Variants in STRAP observed in about 807,000 individuals in gnomAD.
STRAP encodes serine/threonine kinase receptor associated protein, also known as serine-threonine kinase receptor-associated protein.
Under a neutral mutation model 47.0 loss-of-function variants are expected in STRAP, and 16 were observed. The observed-to-expected ratio is 0.34, with a 90% CI of 0.23 to 0.52. The LOEUF (loss-of-function observed/expected upper bound fraction) is 0.52, where lower values mean the gene tolerates loss of function less well. Among genes scored for constraint, STRAP ranks in the 20% least tolerant of loss-of-function variants. The pLI, the probability that STRAP is intolerant of heterozygous loss-of-function variation, is 0.96. For synonymous variants in STRAP, 130 were observed against 142.7 expected (o/e 0.91, Z 0.63); for missense variants, 293 against 420.0 (o/e 0.70, Z 2.64).
At position 15,890,551 on chromosome 12, in the gene STRAP, A is replaced by G; in HGVS notation, c.331-46A>G. ...GGTGTTGAAATTTGAAAGAGAAATA[A>G]CTATTAAAATGGTTAATCTATTCAC... On this transcript the variant is annotated intron_variant, in intron 3 of 9. Coordinates refer to ENST00000419869, the MANE Select transcript of STRAP (RefSeq NM_007178.4). This position sits in a 1 kb window ranked among gnomAD's most constrained non-coding sequence, Gnocchi z 4.5. 4 of 1,451,412 alleles carry G rather than the reference A, an allele frequency of 2.8e-6. No individual in the cohort carries two copies. The highest frequency in any genetic ancestry group is 2.4e-5 in the South Asian group (2 of 83,124). 89.9% of individuals were successfully genotyped at this position (1,451,412 alleles called of 1,614,324 possible). A position where few individuals can be genotyped will look rare whatever the true frequency, so the allele number is the denominator to read the frequency against.
At chr12:15,882,943 G>A in intron 1 of STRAP, 124 bp downstream of exon 1, 3 of 1,339,496 alleles carry the variant, frequency 2.2e-6, no homozygotes, top group Non-Finnish European at 3.1e-6. Context: ...TAACATCTGA[G>A]ATGAGAGCCA....
intron 2 of STRAP, among the ~76,000 whole-genome samples, chr12:15,885,228 C>G (rs1002129610): frequency 7.0e-6 from 1 of 143,590 alleles, no homozygotes; most frequent in Non-Finnish European, 1.5e-5. Flanking sequence ...TTGCTATGTC[C>G]CCAAGGCTGG....
intron 2 of STRAP, among the ~76,000 whole-genome samples, chr12:15,885,193 T>G (rs574093925): frequency 0.025 from 3,778 of 148,960 alleles, 71 homozygotes; most frequent in Non-Finnish European, 0.04. Context: ...TTTTTTTTTT[T>G]TTTTTTTTTT....
intron 9 of STRAP, among the ~76,000 whole-genome samples, chr12:15,902,102 G>A (rs1200989866): frequency 6.6e-6 from 1 of 151,842 alleles, no homozygotes; most frequent in Non-Finnish European, 1.5e-5. Context: ...AAGCCTCCTG[G>A]GTAGTTGGGA....
chr12:15,894,837 C>T lies in STRAP; in HGVS notation c.501-522C>T, dbSNP rs183889932. ...CAAGTATTTTCAATTAAGGGATGCT[C>T]ACCTTGTGTATACAGACAGCAAAAT... On this transcript the variant is annotated intron_variant, in intron 5 of 9. Transcript: ENST00000419869. The surrounding 1 kb of genome is among the most constrained non-coding windows in gnomAD (Gnocchi z 4.9). 1.2e-3 allele frequency among the ~76,000 whole-genome samples: 190 copies of T among 152,292 alleles called. 1 individual carries two copies. Among genetic ancestry groups the T allele is most frequent in the African/African-American group, 4.4e-3 (182 of 41,560 alleles).
chr12:15,899,383 A>G (rs574078934), intron 7 of STRAP, among the ~76,000 whole-genome samples: 1 of 152,354 alleles, frequency 6.6e-6, no homozygotes, highest in Admixed American at 6.5e-5. Context: ...TCCATGGATT[A>G]AAATATTTAT....
At position 15,890,805 on chromosome 12, in the gene STRAP, AT is replaced by A; in HGVS notation, c.403+137del. On this transcript the variant is annotated intron_variant, in intron 4 of 9. Coordinates refer to ENST00000419869, the MANE Select transcript of STRAP (RefSeq NM_007178.4). This position sits in a 1 kb window ranked among gnomAD's most constrained non-coding sequence, Gnocchi z 4.5. Reference sequence around the variant, plus strand: ...CCGGGCACGGTGGCTCATACCTGTAATCCTAGCACTTTGGGAGACTGAGGCG... The same window carrying A: ...CCGGGCACGGTGGCTCATACCTGTAACCTAGCACTTTGGGAGACTGAGGCG... The A allele has an allele frequency of 1.5e-6, 1 of 675,122 alleles. No individual in the cohort carries two copies. The highest frequency in any genetic ancestry group is 2.4e-6 in the Non-Finnish European group (1 of 410,176). The allele number at this position is 675,122 out of a possible 1,614,324, so 41.8% of individuals were successfully genotyped here. A position where few individuals can be genotyped will look rare whatever the true frequency, so the allele number is the denominator to read the frequency against.
In STRAP at chr12:15,890,321, G is replaced by A. The variant is rs1361884526; in HGVS notation, c.331-276G>A. Among the ~76,000 whole-genome samples, 1 of 152,132 alleles carries A rather than the reference G, an allele frequency of 6.6e-6. No individual in the cohort carries two copies. The highest frequency in any genetic ancestry group is 2.4e-5 in the African/African-American group (1 of 41,418). ...GATAAATTTGAGATAATCAGAAAAG[G>A]GCCTCTCACAAGGGAGAGGAGTAGG... On this transcript the variant is annotated intron_variant, in intron 3 of 9. Transcript: ENST00000419869. This position sits in a 1 kb window ranked among gnomAD's most constrained non-coding sequence, Gnocchi z 4.5.
intron 1 of STRAP, 99 bp downstream of exon 1, chr12:15,882,918 G>A: frequency 7.3e-7 from 1 of 1,378,686 alleles, no homozygotes; most frequent in South Asian, 1.2e-5. Flanking sequence ...GTGGTGAGGG[G>A]GGAGGGGGCG....
intron 4 of STRAP, among the ~76,000 whole-genome samples, chr12:15,893,613 T>G (rs981540046): frequency 6.1e-5 from 9 of 147,792 alleles, no homozygotes; most frequent in African/African-American, 2.2e-4. Context: ...ATTTGTATTA[T>G]TGTACAAATA....
At chr12:15,889,165 G>A (rs547695023) in intron 2 of STRAP, among the ~76,000 whole-genome samples, 126 of 152,098 alleles carry the variant, frequency 8.3e-4, no homozygotes, top group Non-Finnish European at 1.6e-3. Context: ...CCCTTTTAGA[G>A]TAATTTTGTA....
Position 15,900,982 on chromosome 12 carries a change from G to T in STRAP, c.961G>T (p.Gly321Cys). 1 of 1,597,948 alleles carries T rather than the reference G, an allele frequency of 6.3e-7. No homozygotes were observed. Among genetic ancestry groups the T allele is most frequent in the South Asian group, 1.1e-5 (1 of 88,008 alleles). The change falls in exon 9 of 10, where the codon GGT (glycine) becomes TGT (cysteine). Residue 321 changes from glycine to cysteine, a missense_variant. Gly to Cys is a radical substitution (Grantham distance 159, BLOSUM62 -3). Around this residue, in one of 5 missense-constraint regions of STRAP, gnomAD observed 52 missense variants for 45.0 expected, o/e 1.16. Transcript: ENST00000419869. ...DSGELAKPKI[G>C]FPETTEEELE... ...TGGTGAGCTGGCAAAGCCAAAGATT[G>T]GTTTTCCAGAGACAACAGAAGAGGA...
chr12:15,884,329 A>T (rs779750850), intron 2 of STRAP, among the ~76,000 whole-genome samples: 1 of 151,782 alleles, frequency 6.6e-6, no homozygotes, highest in Admixed American at 6.6e-5. Flanking sequence ...TTCATTTTCC[A>T]TATTGTTGCC....
In STRAP at chr12:15,883,406, A is replaced by C. The variant is rs908533865; in HGVS notation, c.113-135A>C. ...TTACTGCACATTCCTTAGTGCCTTC[A>C]GTGGGTGGTGGTAGTTAAATAGCTG... is the stretch of plus-strand genomic sequence containing the variant. On this transcript the variant is annotated intron_variant, in intron 1 of 9. Coordinates refer to ENST00000419869, the MANE Select transcript of STRAP (RefSeq NM_007178.4). 6.2e-6 allele frequency: 6 copies of C among 964,798 alleles called. No homozygotes were observed. In the African/African-American group the frequency reaches 8.2e-5, roughly 13 times the overall value. 59.8% of individuals were successfully genotyped at this position (964,798 alleles called of 1,614,324 possible). A position where few individuals can be genotyped will look rare whatever the true frequency, so the allele number is the denominator to read the frequency against.
At chr12:15,884,859 A>T (rs779079351) in intron 2 of STRAP, among the ~76,000 whole-genome samples, 1 of 152,128 alleles carries the variant, frequency 6.6e-6, no homozygotes, top group Non-Finnish European at 1.5e-5. Flanking sequence ...AGTTTGCTTC[A>T]TCCTAGTTCA....
intron 6 of STRAP, among the ~76,000 whole-genome samples, chr12:15,895,815 A>T (rs1356170101): frequency 1.4e-5 from 2 of 144,762 alleles, no homozygotes; most frequent in South Asian, 4.4e-4. Flanking sequence ...TTTTGCTGTG[A>T]TCTTGACACT....
chr12:15,901,511 T>A lies in STRAP; in HGVS notation c.991+499T>A, dbSNP rs562162050. Among the ~76,000 whole-genome samples, 7 of 152,270 alleles carry A rather than the reference T, an allele frequency of 4.6e-5. No homozygotes were observed. In the South Asian group the frequency reaches 1.5e-3, roughly 32 times the overall value. ...AAAGAACTTCTCCATGCCTCCAGGT[T>A]AAAGAGCAAAGGCAAAGTGAAGCTG... On this transcript the variant is annotated intron_variant, in intron 9 of 9. Coordinates refer to ENST00000419869, the MANE Select transcript of STRAP (RefSeq NM_007178.4).
At chr12:15,883,240 A>T (rs912496280) in intron 1 of STRAP, 1 of 1,166,294 alleles carries the variant, frequency 8.6e-7, no homozygotes, top group African/African-American at 1.5e-5. Context: ...CTCATTTTTC[A>T]AATGGGAAAC....
chr12:15,892,923 G>A (rs780884173), intron 4 of STRAP, among the ~76,000 whole-genome samples: 6 of 152,120 alleles, frequency 3.9e-5, no homozygotes, highest in African/African-American at 7.2e-5. Flanking sequence ...TTGCTCTTTC[G>A]CTGTGCTGGC....
Sources: allele counts gnomAD v4.1 joint callset (sites outside exome capture counted in the v4.1 genomes callset), GRCh38; gene constraint gnomAD v4.1.1; regional missense constraint gnomAD v4.1.1; non-coding constraint Gnocchi (gnomAD v3.1); transcripts MANE v1.5; gene names NCBI Gene and HGNC (gene_info 2026-07-23, HGNC 2026-07-21).